The following HHAT variants were observed in gnomAD, a reference collection of about 807,000 sequenced individuals.
HHAT encodes the protein hedgehog acyltransferase, also known as protein-cysteine N-palmitoyltransferase HHAT.
In HHAT, 47 loss-of-function variants were observed where a neutral mutation model predicts 70.8. The ratio of observed to expected loss-of-function variants is 0.66; its 90% CI spans 0.53 to 0.85. HHAT has a LOEUF of 0.85. HHAT is among the 40% of genes least tolerant of loss of function. The pLI is 0.00. For missense variants in HHAT, 609 were observed against 604.8 expected, an observed-to-expected ratio of 1.01 and a Z score of -0.07; for synonymous variants, 228 against 247.6, an observed-to-expected ratio of 0.92 and a Z score of 0.74.
chr1:210,356,280 ATCT>A (rs924608814), intron 2 of HHAT, among the ~76,000 whole-genome samples: 1 of 152,170 alleles, frequency 6.6e-6, no homozygotes, highest in African/African-American at 2.4e-5. Context: ...GCCCAGGCAC[ATCT>A]TCTTTTATGA....
At chr1:210,583,059 G>A (rs1439920214) in intron 9 of HHAT, among the ~76,000 whole-genome samples, 2 of 152,146 alleles carry the variant, frequency 1.3e-5, no homozygotes, top group African/African-American at 2.4e-5. Flanking sequence ...AACATTCTAG[G>A]AGCAGATTTT....
chr1:210,513,101 A>G, intron 8 of HHAT, 52 bp from the exon 9 acceptor site: 2 of 1,055,420 alleles, frequency 1.9e-6, no homozygotes, highest in South Asian at 1.3e-5. Flanking sequence ...CTAGTCTACC[A>G]TTACTATAAA....
chr1:210,658,664 C>T (rs139074270), intron 11 of HHAT, among the ~76,000 whole-genome samples: 2,565 of 152,244 alleles, frequency 0.017, 34 homozygotes, highest in Middle Eastern at 0.031. Flanking sequence ...GCAATTATTC[C>T]AAAACTGACC....
chr1:210,425,250 C>G (rs1024634236), intron 7 of HHAT, among the ~76,000 whole-genome samples: 2 of 152,016 alleles, frequency 1.3e-5, no homozygotes, highest in African/African-American at 4.8e-5. Context: ...GACATTAGAC[C>G]TTTGTCAGAT....
intron 8 of HHAT, among the ~76,000 whole-genome samples, chr1:210,468,316 G>A (rs1026345497): frequency 2.0e-5 from 3 of 152,144 alleles, no homozygotes; most frequent in Non-Finnish European, 4.4e-5. Context: ...TCCTATTTTC[G>A]TGATTTGATT....
intron 10 of HHAT, among the ~76,000 whole-genome samples, chr1:210,615,073 A>G (rs1028295351): frequency 5.9e-5 from 9 of 151,992 alleles, no homozygotes; most frequent in African/African-American, 1.5e-4. Flanking sequence ...TCCAGCACCT[A>G]TTGTTTCCTG....
At chr1:210,481,973 T>A (rs2148488588) in intron 8 of HHAT, among the ~76,000 whole-genome samples, 1 of 152,234 alleles carries the variant, frequency 6.6e-6, no homozygotes, top group South Asian at 2.1e-4. Flanking sequence ...GTGGCTGTCA[T>A]GGAATATGGA....
At chr1:210,572,078 C>T (rs957794517) in intron 9 of HHAT, among the ~76,000 whole-genome samples, 2 of 152,202 alleles carry the variant, frequency 1.3e-5, no homozygotes, top group Non-Finnish European at 2.9e-5. Context: ...AAATGTTACA[C>T]TGGCACGGCT....
intron 11 of HHAT, among the ~76,000 whole-genome samples, chr1:210,634,570 G>A (rs964692907): frequency 2.0e-5 from 3 of 152,168 alleles, no homozygotes; most frequent in African/African-American, 4.8e-5. Context: ...GTCTGTCTGT[G>A]GAGCTGCGCT....
chr1:210,524,779 GTC>G (rs2095220671), intron 9 of HHAT, among the ~76,000 whole-genome samples: 1 of 152,106 alleles, frequency 6.6e-6, no homozygotes, highest in African/African-American at 2.4e-5. Context: ...GCAGGTCCAG[GTC>G]TGTCCTGCTA....
chr1:210,452,769 C>T (rs1361707611), intron 7 of HHAT, among the ~76,000 whole-genome samples: 1 of 152,008 alleles, frequency 6.6e-6, no homozygotes, highest in Non-Finnish European at 1.5e-5. Flanking sequence ...ATGGTAAATC[C>T]ATGGTAAATC....
chr1:210,453,409 G>C (rs918151844), intron 7 of HHAT, among the ~76,000 whole-genome samples: 2 of 152,132 alleles, frequency 1.3e-5, no homozygotes, highest in Non-Finnish European at 2.9e-5. Context: ...ATAATTTCAT[G>C]GTGCATGCTT....
chr1:210,570,273 G>A (rs1305165382), intron 9 of HHAT, among the ~76,000 whole-genome samples: 1 of 152,078 alleles, frequency 6.6e-6, no homozygotes, highest in Non-Finnish European at 1.5e-5. Context: ...GAGGGGGCTC[G>A]GTCCTTTGCC....
intron 10 of HHAT, among the ~76,000 whole-genome samples, chr1:210,604,224 T>G (rs1664886080): frequency 6.7e-6 from 1 of 149,846 alleles, no homozygotes; most frequent in Non-Finnish European, 1.5e-5. Context: ...GGACTACAGG[T>G]GCATGCCACC....
chr1:210,620,122 T>C (rs1290735913), intron 10 of HHAT, among the ~76,000 whole-genome samples: 2 of 152,228 alleles, frequency 1.3e-5, no homozygotes, highest in Non-Finnish European at 2.9e-5. Context: ...TGTAGGACTA[T>C]GGAAAGGAGA....
chr1:210,510,085 T>C (rs1240554513), intron 8 of HHAT, among the ~76,000 whole-genome samples: 1 of 152,232 alleles, frequency 6.6e-6, no homozygotes, highest in African/African-American at 2.4e-5. Context: ...ATTTTGCCTT[T>C]CAGAGATTGT....
chr1:210,498,628 G>A (rs76311023), intron 8 of HHAT, among the ~76,000 whole-genome samples: 1,535 of 152,266 alleles, frequency 0.01, 13 homozygotes, highest in Non-Finnish European at 0.017. Context: ...GCTACTGAAG[G>A]TGTTGTAGGC....
At chr1:210,426,728 G>A (rs569140610) in intron 7 of HHAT, among the ~76,000 whole-genome samples, 1 of 152,236 alleles carries the variant, frequency 6.6e-6, no homozygotes, top group Admixed American at 6.5e-5. Flanking sequence ...TTAGTGTGGT[G>A]GTGGATTCAG....
At position 210,673,403 on chromosome 1, in the gene HHAT, G is replaced by C. The variant is rs199838789; in HGVS notation, c.1391-885G>C. ...ATGATGACGGTGATTTTTGTGTCTT[G>C]TCCATGAATCACACAATATTATTCT... On this transcript the variant is annotated intron_variant, in intron 11 of 11. Coordinates refer to ENST00000261458, the MANE Select transcript of HHAT (RefSeq NM_018194.6). 2.4e-4 allele frequency among the ~76,000 whole-genome samples: 36 copies of C among 151,368 alleles called. 1 individual carries two copies. Among genetic ancestry groups the C allele is most frequent in the African/African-American group, 8.5e-4 (35 of 41,312 alleles).
Sources: allele counts gnomAD v4.1 joint callset (sites outside exome capture counted in the v4.1 genomes callset), GRCh38; gene constraint gnomAD v4.1.1; transcripts MANE v1.5; gene names NCBI Gene and HGNC (gene_info 2026-07-23, HGNC 2026-07-21).